Variants in WASF2 observed in about 807,000 individuals in gnomAD.
The protein encoded by WASF2 is actin-binding protein WASF2.
Under a neutral mutation model 45.0 loss-of-function variants are expected in WASF2, and 14 were observed. The ratio of observed to expected loss-of-function variants is 0.31; its 90% CI spans 0.21 to 0.49. The LOEUF is 0.49. WASF2 is among the 20% of genes least tolerant of loss of function. WASF2 has a pLI of 0.99. For synonymous variants in WASF2, 200 were observed against 236.3 expected (o/e 0.85, Z 1.41); for missense variants, 439 against 636.1 (o/e 0.69, Z 3.33).
rs58153446 is a variant in WASF2 at position 27,484,811 on chromosome 1, C to CA, written c.-44+5174dup. ...TGGATGACAGAGCGAGACTCTGTCT[C>CA]AAAAAAAAAAAGAATACTCTAAAGG... is the stretch of plus-strand genomic sequence containing the variant. On this transcript the variant is annotated intron_variant, in intron 1 of 8. Transcript: ENST00000618852. 3.1e-3 allele frequency among the ~76,000 whole-genome samples: 380 copies of CA among 124,520 alleles called. 4 individuals are homozygous for CA. Among genetic ancestry groups the CA allele is most frequent in the Middle Eastern group, 0.016 (4 of 250 alleles). 81.7% of individuals were successfully genotyped at this position (124,520 alleles called of 152,430 possible).
At chr1:27,420,695 G>A (rs1383847109) in intron 2 of WASF2, among the ~76,000 whole-genome samples, 3 of 151,550 alleles carry the variant, frequency 2.0e-5, no homozygotes, top group African/African-American at 7.3e-5. Context: ...CTCATTTTTT[G>A]TATTTTTAGT....
In WASF2 at chr1:27,489,188, T is replaced by A. The variant is rs148509222; in HGVS notation, c.-44+798A>T. On this transcript the variant is annotated intron_variant, in intron 1 of 8. Transcript: ENST00000618852. ...CATCATGGTCTGGGTAGCACCCACGTCCTCCTTGGAACAGCCCCTTTAGAC... is the reference window on the plus strand; with the variant it reads ...CATCATGGTCTGGGTAGCACCCACGACCTCCTTGGAACAGCCCCTTTAGAC... 1.7e-3 allele frequency among the ~76,000 whole-genome samples: 253 copies of A among 150,682 alleles called. 2 individuals are homozygous for A. The highest frequency in any genetic ancestry group is 5.9e-3 in the African/African-American group (243 of 40,866).
intron 1 of WASF2, among the ~76,000 whole-genome samples, chr1:27,481,561 T>C (rs1054800738): frequency 1.3e-5 from 2 of 151,266 alleles, no homozygotes; most frequent in Admixed American, 6.6e-5. Context: ...TAGCCAGGCA[T>C]GGGGGTGGGC....
At chr1:27,440,540 G>C (rs1030813678) in intron 1 of WASF2, among the ~76,000 whole-genome samples, 1 of 150,778 alleles carries the variant, frequency 6.6e-6, no homozygotes. Flanking sequence ...AAAAAGCGAT[G>C]TTAAAATGTG....
At chr1:27,426,306 AG>A (rs1296480933) in intron 2 of WASF2, among the ~76,000 whole-genome samples, 2 of 152,230 alleles carry the variant, frequency 1.3e-5, no homozygotes, top group Non-Finnish European at 2.9e-5. Context: ...GCAGGGATAT[AG>A]GAACAGATTT....
At chr1:27,468,832 T>A (rs2017650586) in intron 1 of WASF2, among the ~76,000 whole-genome samples, 1 of 147,384 alleles carries the variant, frequency 6.8e-6, no homozygotes, top group Admixed American at 6.9e-5. Context: ...ATACAAAAAT[T>A]AGCTGGGTGC....
chr1:27,453,808 G>C (rs768292459), intron 1 of WASF2, among the ~76,000 whole-genome samples: 5 of 151,712 alleles, frequency 3.3e-5, no homozygotes, highest in Non-Finnish European at 5.9e-5. Context: ...AAGGATGCTT[G>C]AACCTGGGAG....
chr1:27,478,820 G>A (rs2148143407), intron 1 of WASF2, among the ~76,000 whole-genome samples: 1 of 152,090 alleles, frequency 6.6e-6, no homozygotes, highest in East Asian at 1.9e-4. Flanking sequence ...CCGACCTCAG[G>A]TGATCCACCC....
At chr1:27,418,880 TA>T in intron 3 of WASF2, 73 bp downstream of exon 3, 17 of 1,501,088 alleles carry the variant, frequency 1.1e-5, no homozygotes, top group East Asian at 4.6e-5. Context: ...TTTTTTTTTT[TA>T]AATAAATCAG....
intron 1 of WASF2, among the ~76,000 whole-genome samples, chr1:27,462,245 G>A (rs1350533807): frequency 6.6e-6 from 1 of 151,916 alleles, no homozygotes; most frequent in Non-Finnish European, 1.5e-5. Context: ...CAAAGTGCTG[G>A]AATTACAGGT....
chr1:27,442,063 T>C (rs1203070893), intron 1 of WASF2, among the ~76,000 whole-genome samples: 3 of 151,584 alleles, frequency 2.0e-5, no homozygotes, highest in Admixed American at 6.6e-5. Flanking sequence ...CCATGACTGA[T>C]TGCTCCACTG....
At chr1:27,415,038 T>A (rs1179683565) in intron 5 of WASF2, 75 bp from the exon 6 acceptor site, 3 of 1,538,970 alleles carry the variant, frequency 1.9e-6, no homozygotes, top group African/African-American at 1.4e-5. Flanking sequence ...CCCATCTTCA[T>A]GGATGCGTAT....
At chr1:27,455,045 T>C (rs1384750980) in intron 1 of WASF2, among the ~76,000 whole-genome samples, 1 of 152,154 alleles carries the variant, frequency 6.6e-6, no homozygotes, top group Non-Finnish European at 1.5e-5. Flanking sequence ...CAATACCAAA[T>C]TGTTTTTCCA....
At chr1:27,460,988 T>C (rs2017536349) in intron 1 of WASF2, among the ~76,000 whole-genome samples, 2 of 151,902 alleles carry the variant, frequency 1.3e-5, no homozygotes, top group African/African-American at 2.4e-5. Context: ...CTATTAAATA[T>C]ACAAAAAATT....
At chr1:27,455,690 CT>C (rs2017457430) in intron 1 of WASF2, among the ~76,000 whole-genome samples, 1 of 152,156 alleles carries the variant, frequency 6.6e-6, no homozygotes, top group African/African-American at 2.4e-5. Flanking sequence ...TCCTGGATTA[CT>C]TACCTTTTTG....
Position 27,408,306 on chromosome 1 carries a change from C to T in WASF2, c.1380G>A (p.Glu460=), listed in dbSNP as rs2016707929. ...LRRVEEQREQ[E]KRDVVGNDVA... is the part of the protein sequence containing the mutation. ...CGTCATTGCCCACAACATCCCGCTT[C>T]TCTTGTTCCCGCTGCTCCTCAACCC... Residue 460 remains glutamate, a synonymous_variant, in exon 9 of 9, where the codon GAG becomes GAA. Transcript: ENST00000618852. 6.2e-7 allele frequency: 1 copy of T among 1,614,126 alleles called. No homozygotes were observed. The highest frequency in any genetic ancestry group is 1.1e-5 in the South Asian group (1 of 91,094).
chr1:27,439,060 A>C (rs1360686514), intron 1 of WASF2, among the ~76,000 whole-genome samples: 1 of 152,178 alleles, frequency 6.6e-6, no homozygotes, highest in Non-Finnish European at 1.5e-5. Flanking sequence ...AAGCCCTAAA[A>C]ATCTAGTAAG....
At chr1:27,477,961 T>C (rs2017792114) in intron 1 of WASF2, among the ~76,000 whole-genome samples, 1 of 147,512 alleles carries the variant, frequency 6.8e-6, no homozygotes, top group Non-Finnish European at 1.5e-5. Flanking sequence ...ATATTAGAAA[T>C]GGGAGGCAGG....
chr1:27,486,784 C>T (rs1328654387), intron 1 of WASF2, among the ~76,000 whole-genome samples: 4 of 151,798 alleles, frequency 2.6e-5, no homozygotes, highest in Non-Finnish European at 5.9e-5. Flanking sequence ...ATTAGCCAGG[C>T]GTGGCGGTGC....
Sources: gnomAD v4.1 joint callset for allele counts (sites outside exome capture counted in the v4.1 genomes callset) on GRCh38, gnomAD v4.1.1 for gene constraint, MANE v1.5 for transcripts, NCBI Gene and HGNC (gene_info 2026-07-23, HGNC 2026-07-21) for gene names.